PIP5K1B: variants seen among roughly 807,000 people sequenced by gnomAD.
The protein encoded by PIP5K1B is phosphatidylinositol 4-phosphate 5-kinase type-1 beta.
Under a neutral mutation model 67.0 loss-of-function variants are expected in PIP5K1B, and 42 were observed. That is an observed-to-expected ratio of 0.63 (90% CI 0.49 to 0.81). The LOEUF (loss-of-function observed/expected upper bound fraction) is 0.81. PIP5K1B is among the 30% of genes least tolerant of loss of function. The probability of loss-of-function intolerance (pLI) is 0.00; values close to 1 mark genes in which losing one functional copy is unlikely to be tolerated. For missense variants in PIP5K1B, 459 were observed against 646.3 expected, an observed-to-expected ratio of 0.71 and a Z score of 3.14; for synonymous variants, 214 against 231.4, an observed-to-expected ratio of 0.92 and a Z score of 0.68.
At chr9:68,853,790 C>G (rs943929468) in intron 4 of PIP5K1B, among the ~76,000 whole-genome samples, 1 of 152,152 alleles carries the variant, frequency 6.6e-6, no homozygotes, top group Non-Finnish European at 1.5e-5. Context: ...GAACTGCAGA[C>G]CCCATGAGAG....
intron 4 of PIP5K1B, among the ~76,000 whole-genome samples, chr9:68,835,339 G>C (rs1201853097): frequency 1.3e-5 from 2 of 152,198 alleles, no homozygotes; most frequent in Admixed American, 6.5e-5. Flanking sequence ...GGAGTGTGTG[G>C]CCAGGGCCAT....
intron 15 of PIP5K1B, among the ~76,000 whole-genome samples, chr9:68,997,679 G>A (rs955640047): frequency 2.6e-5 from 4 of 152,210 alleles, no homozygotes; most frequent in East Asian, 3.8e-4. Context: ...TCTAAGACAT[G>A]TGGAAGAGCT....
intron 8 of PIP5K1B, among the ~76,000 whole-genome samples, chr9:68,905,183 G>C (rs926418090): frequency 1.3e-5 from 2 of 152,014 alleles, no homozygotes; most frequent in African/African-American, 4.8e-5. Flanking sequence ...GGGGGAGGGA[G>C]CAAAGGGAAG....
intron 4 of PIP5K1B, among the ~76,000 whole-genome samples, chr9:68,841,096 C>G (rs1281425130): frequency 6.6e-6 from 1 of 152,176 alleles, no homozygotes; most frequent in Non-Finnish European, 1.5e-5. Context: ...TTCACTCCTT[C>G]CATAAAATCG....
At chr9:68,936,784 C>G (rs975157394) in intron 13 of PIP5K1B, among the ~76,000 whole-genome samples, 2 of 152,176 alleles carry the variant, frequency 1.3e-5, no homozygotes, top group African/African-American at 4.8e-5. Context: ...ACATTCATCC[C>G]TTTCTCCTAA....
rs1554713406 is a variant in PIP5K1B at position 68,780,211 on chromosome 9, C to T, written c.-86+37554C>T. On this transcript the variant is annotated intron_variant, in intron 2 of 15. Transcript: ENST00000265382. Reference sequence around the variant, plus strand: ...CTAGACCTGGAGCTGCCTCCGGGTACGGGCGGGAGCCCGGCGGAGGGCGGT... The same window carrying T: ...CTAGACCTGGAGCTGCCTCCGGGTATGGGCGGGAGCCCGGCGGAGGGCGGT... 11 of 1,537,010 alleles carry T rather than the reference C, an allele frequency of 7.2e-6. No individual in the cohort carries two copies. In the Admixed American group the frequency reaches 2.4e-4, roughly 34 times the overall value.
intron 12 of PIP5K1B, among the ~76,000 whole-genome samples, chr9:68,924,138 G>A (rs1260957704): frequency 6.7e-6 from 1 of 149,692 alleles, no homozygotes; most frequent in Non-Finnish European, 1.5e-5. Context: ...AAGGAGGCCG[G>A]GCGCGGTAAT....
chr9:68,884,990 C>A (rs982727119), intron 6 of PIP5K1B, among the ~76,000 whole-genome samples: 1 of 152,082 alleles, frequency 6.6e-6, no homozygotes, highest in Non-Finnish European at 1.5e-5. Context: ...ATCAGTATGG[C>A]GAAGAGATGT....
chr9:68,753,342 A>ATTTTTTT (rs398010785), intron 2 of PIP5K1B, among the ~76,000 whole-genome samples: 1 of 133,866 alleles, frequency 7.5e-6, no homozygotes, highest in Admixed American at 7.6e-5. Context: ...CATTTTCTTG[A>ATTTTTTT]TTTTTTTTTT....
chr9:68,738,645 C>A (rs550311280), intron 1 of PIP5K1B, among the ~76,000 whole-genome samples: 1 of 152,298 alleles, frequency 6.6e-6, no homozygotes, highest in South Asian at 2.1e-4. Context: ...TGAGGCAGTA[C>A]AACTTGATTC....
intron 2 of PIP5K1B, chr9:68,784,580 G>A (rs1207726294): frequency 6.0e-6 from 1 of 166,976 alleles, no homozygotes; most frequent in African/African-American, 2.4e-5. Flanking sequence ...AATAAAATTG[G>A]GGAAGGAATC....
In PIP5K1B at chr9:68,878,013, C is replaced by CTGTGTGTGTGTGTGTG. The variant is rs35871698; in HGVS notation, c.318+1245_318+1260dup. 6.4e-4 allele frequency among the ~76,000 whole-genome samples: 91 copies of CTGTGTGTGTGTGTGTG among 142,082 alleles called. 1 individual carries two copies. The highest frequency in any genetic ancestry group is 4.1e-3 in the Admixed American group (58 of 14,120). 93.2% of individuals were successfully genotyped at this position (142,082 alleles called of 152,430 possible). On this transcript the variant is annotated intron_variant, in intron 6 of 15. Coordinates refer to ENST00000265382, the MANE Select transcript of PIP5K1B (RefSeq NM_003558.4). ...AAGTACACAAGCACACGCATTTGTT[C>CTGTGTGTGTGTGTGTG]TGTGTGTGTGTGTGTGTGTGTGTGT... is the stretch of plus-strand genomic sequence containing the variant.
chr9:68,957,327 C>A (rs1241312648), intron 14 of PIP5K1B, among the ~76,000 whole-genome samples: 1 of 152,122 alleles, frequency 6.6e-6, no homozygotes, highest in Non-Finnish European at 1.5e-5. Flanking sequence ...ATCCTCTCAG[C>A]AGCTCATGGC....
At chr9:69,006,483 A>C (rs1831085618) in intron 15 of PIP5K1B, among the ~76,000 whole-genome samples, 1 of 152,188 alleles carries the variant, frequency 6.6e-6, no homozygotes, top group Non-Finnish European at 1.5e-5. Flanking sequence ...CTGTGCCACT[A>C]TTGCTGGTGA....
intron 4 of PIP5K1B, among the ~76,000 whole-genome samples, chr9:68,862,063 C>A (rs1823115097): frequency 6.6e-6 from 1 of 152,136 alleles, no homozygotes; most frequent in Non-Finnish European, 1.5e-5. Flanking sequence ...TAGTCGTCCT[C>A]ACACTAAAGG....
chr9:68,764,065 C>T (rs564816000), intron 2 of PIP5K1B, among the ~76,000 whole-genome samples: 1 of 136,558 alleles, frequency 7.3e-6, no homozygotes, highest in East Asian at 2.2e-4. Context: ...CACCCCTCTA[C>T]TATAACTTCT....
intron 4 of PIP5K1B, among the ~76,000 whole-genome samples, chr9:68,826,586 A>G (rs1833997844): frequency 6.6e-6 from 1 of 152,170 alleles, no homozygotes; most frequent in African/African-American, 2.4e-5. Context: ...CTGTTGGTGT[A>G]AAAAAGTGAG....
chr9:68,999,698 A>G (rs1311157157), intron 15 of PIP5K1B, among the ~76,000 whole-genome samples: 4 of 152,160 alleles, frequency 2.6e-5, no homozygotes, highest in African/African-American at 9.7e-5. Context: ...CTGGCAAGAT[A>G]GCTGTCCCAT....
intron 13 of PIP5K1B, chr9:68,935,771 G>GT (rs1223198014): frequency 6.6e-6 from 1 of 151,956 alleles, no homozygotes; most frequent in African/African-American, 2.4e-5. Flanking sequence ...TTATTTTTTG[G>GT]TACCCACTGG....
Sources: allele counts gnomAD v4.1 joint callset (sites outside exome capture counted in the v4.1 genomes callset), GRCh38; gene constraint gnomAD v4.1.1; transcripts MANE v1.5; gene names NCBI Gene and HGNC (gene_info 2026-07-23, HGNC 2026-07-21).